The following CPSF1 variants were observed in gnomAD, a reference collection of about 807,000 sequenced individuals.
CPSF1 encodes the protein cleavage and polyadenylation specific factor 1.
Under a neutral mutation model 175.8 loss-of-function variants are expected in CPSF1, and 106 were observed. The ratio of observed to expected loss-of-function variants is 0.60; its 90% CI spans 0.52 to 0.71. The LOEUF (loss-of-function observed/expected upper bound fraction) is 0.71, where lower values mean the gene tolerates loss of function less well. Among genes scored for constraint, CPSF1 ranks in the 30% least tolerant of loss-of-function variants. The pLI, the probability that CPSF1 is intolerant of heterozygous loss-of-function variation, is 0.00. For missense variants in CPSF1, 1,734 were observed against 2,022.9 expected, an observed-to-expected ratio of 0.86 and a Z score of 2.74; for synonymous variants, 1,024 against 858.3, an observed-to-expected ratio of 1.19 and a Z score of -3.37.
rs2116865892 is a variant in CPSF1 at position 144,399,749 on chromosome 8, G to A, written c.1119+32C>T. ...GGTGTGTGATGGCTGGGCCGGGTCT[G>A]GACCCAGACCCAACCCCTAGTCCCA... On this transcript the variant is annotated intron_variant, in intron 11 of 37. Transcript: ENST00000616140. This position sits in a 1 kb window ranked among gnomAD's most constrained non-coding sequence, Gnocchi z 6.4. 20 of 1,596,812 alleles carry A rather than the reference G, an allele frequency of 1.3e-5. No homozygotes were observed. The Admixed American group carries it at 3.5e-4, about 28-fold the overall frequency.
intron 2 of CPSF1, among the ~76,000 whole-genome samples, chr8:144,404,405 C>T (rs1472541700): frequency 6.6e-6 from 1 of 150,898 alleles, no homozygotes; most frequent in Non-Finnish European, 1.5e-5. Context: ...CTTGCTCTGT[C>T]GCCAGGCTAG....
Position 144,393,675 on chromosome 8 carries a change from G to T in CPSF1, c.4137C>A (p.Arg1379=), listed in dbSNP as rs782387415. 3.2e-6 allele frequency: 5 copies of T among 1,563,766 alleles called. No individual in the cohort carries two copies. Among genetic ancestry groups the T allele is most frequent in the Non-Finnish European group, 4.3e-6 (5 of 1,161,516 alleles). The part of the protein sequence containing the change: ...MLPHHAGLNP[R]AFRMLHVDRR... ...GCGGGGCCGGGGCTCACCGGAAGGCGCGGGGGTTGAGGCCGGCGTGGTGTG... is the reference window on the plus strand; with the variant it reads ...GCGGGGCCGGGGCTCACCGGAAGGCTCGGGGGTTGAGGCCGGCGTGGTGTG... Residue 1379 remains arginine (R), a synonymous_variant, in exon 36 of 38, where the codon CGC becomes CGA. Coordinates refer to ENST00000616140, the MANE Select transcript of CPSF1 (RefSeq NM_013291.3).
At chr8:144,395,887 T>G (rs1820691270) in intron 26 of CPSF1, 1 of 465,512 alleles carries the variant, frequency 2.1e-6, no homozygotes, top group South Asian at 2.4e-5. Context: ...GCTGCCCTCT[T>G]TCATGGACAG....
rs2116863179 is a variant in CPSF1 at position 144,399,480 on chromosome 8, C to T, written c.1266G>A (p.Lys422=). Residue 422 remains lysine (K), a synonymous_variant, in exon 13 of 38, where the codon AAG becomes AAA. Transcript: ENST00000616140. The surrounding 1 kb of genome is among the most constrained non-coding windows in gnomAD (Gnocchi z 6.4). ...ACCAGCCGGCCGTCGCATCCACTCG[C>T]TTCTTCTTTGAGGGAGGCTCTTCCT... ...ADKEEPPSKK[K]RVDATAGWSA... 6.2e-7 allele frequency: 1 copy of T among 1,613,080 alleles called. No homozygotes were observed. The highest frequency in any genetic ancestry group is 1.1e-5 in the South Asian group (1 of 91,030).
intron 2 of CPSF1, among the ~76,000 whole-genome samples, chr8:144,407,182 C>T (rs1027847274): frequency 6.6e-6 from 1 of 151,042 alleles, no homozygotes; most frequent in Non-Finnish European, 1.5e-5. Context: ...CCTCCCAAAG[C>T]GCTAAGATGA....
At position 144,399,604 on chromosome 8, in the gene CPSF1, C is replaced by A; in HGVS notation, c.1226G>T (p.Arg409Leu). 2 of 1,610,574 alleles carry A rather than the reference C, an allele frequency of 1.2e-6. No individual in the cohort carries two copies. The highest frequency in any genetic ancestry group is 8.5e-7 in the Non-Finnish European group (1 of 1,178,606). Residue 409 changes from arginine (R) to leucine (L), a missense_variant, in exon 12 of 38, where the codon CGT (arginine) becomes CTT (leucine). By Grantham distance (102) the Arg-to-Leu change is moderately radical. Around this residue, in one of 10 missense-constraint regions of CPSF1, gnomAD observed 162 missense variants for 169.5 expected, o/e 0.96. Coordinates refer to ENST00000616140, the MANE Select transcript of CPSF1 (RefSeq NM_013291.3). This position sits in a 1 kb window ranked among gnomAD's most constrained non-coding sequence, Gnocchi z 6.4. ...KLQEPPASAV[R>L]EAADKEEPPS... ...GAAACCCACCTTGTCGGCAGCCTCA[C>A]GGACAGCACTGGCCGGGGGCTCCTG...
At position 144,409,119 on chromosome 8, in the gene CPSF1, G is replaced by T; in HGVS notation, c.40C>A (p.Leu14Met). The T allele has an allele frequency of 6.2e-7, 1 of 1,613,424 alleles. No homozygotes were observed. The highest frequency in any genetic ancestry group is 8.5e-7 in the Non-Finnish European group (1 of 1,179,808). Residue 14 changes from leucine (L) to methionine (M), a missense_variant, in exon 2 of 38, where the codon CTG (leucine) becomes ATG (methionine). Leu to Met is a conservative substitution (Grantham distance 15, BLOSUM62 2). Around this residue, in one of 10 missense-constraint regions of CPSF1, gnomAD observed 126 missense variants for 117.9 expected, o/e 1.07. Coordinates refer to ENST00000616140, the MANE Select transcript of CPSF1 (RefSeq NM_013291.3). ...VYKQAHPPTG[L>M]EFSMYCNFFN... ...AAGTTGCAGTACATGGAGAACTCCA[G>T]ACCGGTGGGCGGATGCGCCTGTTTG...
At chr8:144,395,724 G>T (rs1554863513) in intron 26 of CPSF1, 173 bp from the exon 27 acceptor site, 5 of 616,872 alleles carry the variant, frequency 8.1e-6, no homozygotes, top group Non-Finnish European at 1.4e-5. Flanking sequence ...TCAGCCTCTG[G>T]GGCTCCTCCT....
rs1820498949 is a variant in CPSF1 at position 144,393,700 on chromosome 8, GGCAGCATGGTGGTCAGCGCGTTCT to G, written c.4088_4111del (p.Gln1363_Leu1370del). ...GCGGGGGTTGAGGCCGGCGTGGTGTGGCAGCATGGTGGTCAGCGCGTTCTGCAGCATCAGCAGCCGCCGGTAGGT... is the reference window on the plus strand; with the variant it reads ...GCGGGGGTTGAGGCCGGCGTGGTGTGGCAGCATCAGCAGCCGCCGGTAGGT... On this transcript the variant is annotated inframe_deletion, in exon 36 of 38. Transcript: ENST00000616140. 2 of 1,565,238 alleles carry G rather than the reference GGCAGCATGGTGGTCAGCGCGTTCT, an allele frequency of 1.3e-6. No individual in the cohort carries two copies. The highest frequency in any genetic ancestry group is 1.7e-6 in the Non-Finnish European group (2 of 1,162,300).
chr8:144,407,227 T>C (rs993518475), intron 2 of CPSF1, among the ~76,000 whole-genome samples: 2 of 151,846 alleles, frequency 1.3e-5, no homozygotes, highest in Non-Finnish European at 2.9e-5. Context: ...CTTTTTTTTT[T>C]TTTTTTGAGA....
At chr8:144,397,034 G>C in intron 23 of CPSF1, 105 bp from the exon 24 acceptor site, 1 of 939,438 alleles carries the variant, frequency 1.1e-6, no homozygotes, top group Non-Finnish European at 1.6e-6. Context: ...GCTGAGATGG[G>C]GTGGAGCCAT....
At chr8:144,401,123 G>C (rs1821180375) in intron 5 of CPSF1, 48 bp from the exon 6 acceptor site, 1 of 1,602,368 alleles carries the variant, frequency 6.2e-7, no homozygotes, top group African/African-American at 1.3e-5. Context: ...GAGACCCCGA[G>C]GGAAACACTT....
chr8:144,397,532 C>T lies in CPSF1; in HGVS notation c.2340G>A (p.Glu780=). The change falls in exon 22 of 38, where the codon GAG becomes GAA. Residue 780 remains glutamate, a synonymous_variant. Transcript: ENST00000616140. Reference sequence around the variant, plus strand: ...GCACCAGCAGGCACCAGTGGGTAGGCTCTGCCCGGAAGGGTGCAGGGTCCC... The same window carrying T: ...GCACCAGCAGGCACCAGTGGGTAGGTTCTGCCCGGAAGGGTGCAGGGTCCC... ...ADRDPAPFRA[E]PTHWCLLVRE... is the part of the protein sequence containing the mutation. 4 of 1,575,522 alleles carry T rather than the reference C, an allele frequency of 2.5e-6. No homozygotes were observed. The highest frequency in any genetic ancestry group is 2.6e-6 in the Non-Finnish European group (3 of 1,155,512).
At chr8:144,406,365 C>T (rs2116905055) in intron 2 of CPSF1, among the ~76,000 whole-genome samples, 1 of 152,194 alleles carries the variant, frequency 6.6e-6, no homozygotes, top group Non-Finnish European at 1.5e-5. Context: ...CAGGCATCAC[C>T]TGAGGCTCAA....
intron 2 of CPSF1, among the ~76,000 whole-genome samples, chr8:144,404,418 T>G (rs1199487646): frequency 6.6e-6 from 1 of 150,930 alleles, no homozygotes; most frequent in Admixed American, 6.6e-5. Context: ...CAGGCTAGAG[T>G]GCAGTGGCAC....
intron 35 of CPSF1, 30 bp downstream of exon 35, chr8:144,393,853 A>G: frequency 6.2e-7 from 1 of 1,600,674 alleles, no homozygotes; most frequent in Non-Finnish European, 8.5e-7. Flanking sequence ...AGGGCCCCCC[A>G]CCCAGACACA....
chr8:144,393,810 G>T lies in CPSF1; in HGVS notation c.4016-14C>A, dbSNP rs1820512342. 1 of 1,600,616 alleles carries T rather than the reference G, an allele frequency of 6.2e-7. No individual in the cohort carries two copies. Among genetic ancestry groups the T allele is most frequent in the Non-Finnish European group, 8.5e-7 (1 of 1,178,596 alleles). ...CGTCCAGGGTGGCTGGCAGGGGTAG[G>T]GTGAGGGTTTTGGTGTGAGCCAGGC... On this transcript the variant is annotated splice_polypyrimidine_tract_variant and intron_variant, in intron 35 of 37. Transcript: ENST00000616140.
rs139223635 is a variant in CPSF1, at chr8:144,400,381, G to C, written c.799C>G (p.Gln267Glu). 8.5e-4 allele frequency: 1,366 copies of C among 1,613,894 alleles called. 11 individuals carry two copies. The Admixed American group carries it at 0.017, about 20-fold the overall frequency. ...ATGGGCTTGGGCACAGCCAGAGCCT[G>C]GGTGCAGTCAAAGGGCAGGCTGGTG... ...SLTSLPFDCTQALAVPKPIGG... is the reference protein window; with the variant it reads ...SLTSLPFDCTEALAVPKPIGG... The change falls in exon 8 of 38, where the codon CAG (glutamine) becomes GAG (glutamate). Residue 267 changes from glutamine (Q) to glutamate (E), a missense_variant. By Grantham distance (29) the Gln-to-Glu change is conservative. Around this residue, in one of 10 missense-constraint regions of CPSF1, gnomAD observed 61 missense variants for 104.0 expected, o/e 0.59. Coordinates refer to ENST00000616140, the MANE Select transcript of CPSF1 (RefSeq NM_013291.3).
chr8:144,394,340 G>A (rs1382257411), intron 32 of CPSF1, 39 bp downstream of exon 32: 4 of 1,587,568 alleles, frequency 2.5e-6, no homozygotes, highest in Non-Finnish European at 3.4e-6. Flanking sequence ...CCTTGGGCGG[G>A]TACCCACCCA....
Sources: gnomAD v4.1 joint callset for allele counts (sites outside exome capture counted in the v4.1 genomes callset) on GRCh38, gnomAD v4.1.1 for gene constraint, gnomAD v4.1.1 regional missense constraint, Gnocchi (gnomAD v3.1) non-coding constraint, MANE v1.5 for transcripts, NCBI Gene and HGNC (gene_info 2026-07-23, HGNC 2026-07-21) for gene names.